PTPRM: variants seen among roughly 807,000 people sequenced by gnomAD.
The protein encoded by PTPRM is protein tyrosine phosphatase receptor type M.
Under a neutral mutation model 186.7 loss-of-function variants are expected in PTPRM, and 47 were observed. That is an observed-to-expected ratio of 0.25 (90% confidence interval 0.20 to 0.32). The LOEUF (loss-of-function observed/expected upper bound fraction) is 0.32, where lower values mean the gene tolerates loss of function less well. PTPRM is among the 10% of genes least tolerant of loss of function. PTPRM has a pLI of 1.00. For synonymous variants in PTPRM, 668 were observed against 674.9 expected (o/e 0.99, Z 0.16); for missense variants, 1,494 against 1,865.0 (o/e 0.80, Z 3.66).
chr18:7,819,181 A>AC (rs1200337659), intron 2 of PTPRM, among the ~76,000 whole-genome samples: 2 of 152,010 alleles, frequency 1.3e-5, no homozygotes, highest in South Asian at 2.1e-4. Flanking sequence ...CTTGGGCTTC[A>AC]CCCCCAGGCC....
chr18:8,225,028 A>T (rs535634556), intron 14 of PTPRM, among the ~76,000 whole-genome samples: 1 of 152,110 alleles, frequency 6.6e-6, no homozygotes, highest in Non-Finnish European at 1.5e-5. Context: ...CCTTCACTTA[A>T]TGGTTTTTTA....
intron 4 of PTPRM, among the ~76,000 whole-genome samples, chr18:7,915,511 G>A (rs2050505583): frequency 6.6e-6 from 1 of 152,114 alleles, no homozygotes; most frequent in Non-Finnish European, 1.5e-5. Context: ...TTTTTCTTGG[G>A]CTCTTTTCCA....
chr18:8,120,123 A>G (rs1459686450), intron 13 of PTPRM, among the ~76,000 whole-genome samples: 2 of 152,172 alleles, frequency 1.3e-5, no homozygotes, highest in Admixed American at 6.5e-5. Flanking sequence ...AAGAGCAGCC[A>G]TAGGCAATAC....
chr18:7,915,426 A>G (rs976073012), intron 4 of PTPRM, among the ~76,000 whole-genome samples: 2 of 152,144 alleles, frequency 1.3e-5, no homozygotes, highest in African/African-American at 2.4e-5. Flanking sequence ...ACCTGATGTT[A>G]CAATTAAAGT....
At chr18:8,295,213 T>G (rs2095083164) in intron 19 of PTPRM, among the ~76,000 whole-genome samples, 1 of 152,188 alleles carries the variant, frequency 6.6e-6, no homozygotes, top group African/African-American at 2.4e-5. Context: ...CTGCGAGCAG[T>G]GTCTCCTACT....
At chr18:7,804,384 G>C (rs1228555243) in intron 2 of PTPRM, among the ~76,000 whole-genome samples, 1 of 152,192 alleles carries the variant, frequency 6.6e-6, no homozygotes, top group African/African-American at 2.4e-5. Context: ...GGAGTTAATA[G>C]TTGACTACCC....
chr18:8,283,852 C>T (rs879654383), intron 19 of PTPRM, among the ~76,000 whole-genome samples: 1 of 152,074 alleles, frequency 6.6e-6, no homozygotes, highest in Non-Finnish European at 1.5e-5. Flanking sequence ...TTCTCCTGGC[C>T]TCAAGCAAGG....
chr18:7,953,057 C>T (rs968180771), intron 6 of PTPRM, among the ~76,000 whole-genome samples: 1 of 152,162 alleles, frequency 6.6e-6, no homozygotes, highest in South Asian at 2.1e-4. Context: ...TTCTGTAAAC[C>T]AAAAGTCCTT....
chr18:8,137,252 AT>A, intron 13 of PTPRM, among the ~76,000 whole-genome samples: 1 of 151,616 alleles, frequency 6.6e-6, no homozygotes, highest in Non-Finnish European at 1.5e-5. Context: ...GCTTTGTGGT[AT>A]TTGGTTTGCC....
chr18:7,731,902 G>C (rs2040666643), intron 1 of PTPRM, among the ~76,000 whole-genome samples: 1 of 152,172 alleles, frequency 6.6e-6, no homozygotes, highest in Non-Finnish European at 1.5e-5. Context: ...AGACTTTGCT[G>C]ATCAAATTGT....
chr18:8,250,468 C>T (rs2147363315), intron 17 of PTPRM, among the ~76,000 whole-genome samples: 1 of 152,030 alleles, frequency 6.6e-6, no homozygotes, highest in South Asian at 2.1e-4. Flanking sequence ...TGCTCTTCTG[C>T]ATTATTTTTA....
chr18:7,719,787 A>C (rs1384713326), intron 1 of PTPRM, among the ~76,000 whole-genome samples: 2 of 152,246 alleles, frequency 1.3e-5, no homozygotes, highest in South Asian at 2.1e-4. Context: ...CTTAAGAATT[A>C]CACATAAGAA....
chr18:8,308,942 G>A (rs909003999), intron 20 of PTPRM, among the ~76,000 whole-genome samples: 1 of 152,210 alleles, frequency 6.6e-6, no homozygotes. Context: ...CTACTGGACA[G>A]CGTTGGTATA....
At chr18:8,012,256 C>CT (rs2084578176) in intron 7 of PTPRM, among the ~76,000 whole-genome samples, 1 of 152,186 alleles carries the variant, frequency 6.6e-6, no homozygotes. Context: ...AGTACATCTG[C>CT]TTTTATTTTA....
chr18:8,370,626 A>G (rs1435915654), intron 23 of PTPRM, among the ~76,000 whole-genome samples: 1 of 152,244 alleles, frequency 6.6e-6, no homozygotes, highest in Non-Finnish European at 1.5e-5. Context: ...GAATGGTTAC[A>G]GTAACTGGGA....
At chr18:8,380,816 T>C (rs746576835) in intron 29 of PTPRM, among the ~76,000 whole-genome samples, 5 of 152,114 alleles carry the variant, frequency 3.3e-5, no homozygotes, top group Non-Finnish European at 4.4e-5. Flanking sequence ...GAAGGGAAGA[T>C]AGCGTTTGAC....
At chr18:7,926,775 C>T in intron 5 of PTPRM, 92 bp downstream of exon 5, 1 of 818,660 alleles carries the variant, frequency 1.2e-6, no homozygotes, top group Non-Finnish European at 1.9e-6. Context: ...GACTCAGGTC[C>T]TAGTGTAAGA....
At chr18:8,017,472 A>C (rs1324999812) in intron 7 of PTPRM, among the ~76,000 whole-genome samples, 2 of 151,472 alleles carry the variant, frequency 1.3e-5, no homozygotes, top group Non-Finnish European at 2.9e-5. Context: ...AATCCCACCT[A>C]CTCAGGAGGC....
intron 7 of PTPRM, among the ~76,000 whole-genome samples, chr18:7,985,057 A>G (rs1203857839): frequency 1.6e-5 from 2 of 124,132 alleles, no homozygotes; most frequent in Admixed American, 1.7e-4. Context: ...AATTATATAT[A>G]CATATAATTG....
Sources: gnomAD v4.1 joint callset for allele counts (sites outside exome capture counted in the v4.1 genomes callset) on GRCh38, gnomAD v4.1.1 for gene constraint, MANE v1.5 for transcripts, NCBI Gene and HGNC (gene_info 2026-07-23, HGNC 2026-07-21) for gene names.